The following IGSF9 variants were observed in gnomAD, a reference collection of about 807,000 sequenced individuals.
IGSF9 encodes the protein immunoglobulin superfamily member 9.
A neutral mutation model predicts 121.7 loss-of-function variants in IGSF9; 87 were observed. The observed-to-expected ratio is 0.71, with a 90% confidence interval of 0.60 to 0.85. The LOEUF (loss-of-function observed/expected upper bound fraction) is 0.85. Ranked by LOEUF, IGSF9 falls within the 40% of genes least tolerant of loss-of-function variation. The pLI is 0.00. For synonymous variants in IGSF9, 640 were observed against 648.4 expected (o/e 0.99, Z 0.20); for missense variants, 1,462 against 1,565.3 (o/e 0.93, Z 1.11).
rs1476703474 is a variant in IGSF9, at chr1:159,943,146, C to T, written c.64G>A (p.Gly22Arg). The T allele has an allele frequency of 6.3e-7, 1 of 1,587,554 alleles. No homozygotes were observed. The highest frequency in any genetic ancestry group is 2.3e-5 in the East Asian group (1 of 43,992). Residue 22 changes from glycine to arginine, a missense_variant, in exon 3 of 21, where the codon GGG (glycine) becomes AGG (arginine). Transcript: ENST00000368094. ...ACCACCGATACCACCTCAGGCTTCC[C>T]TCGACCTGCATGATGGGTGGCATGA... The part of the protein sequence containing the change: ...LVISQGADGR[G>R]KPEVVSVVGR...
chr1:159,930,465 G>A (rs764660011), intron 14 of IGSF9, 26 bp from the exon 15 acceptor site: 2 of 1,521,388 alleles, frequency 1.3e-6, no homozygotes, highest in Non-Finnish European at 1.8e-6. Context: ...AGGCAGGTCA[G>A]AGCAAGGATT....
intron 3 of IGSF9, among the ~76,000 whole-genome samples, chr1:159,939,453 T>G (rs1316499846): frequency 6.6e-6 from 1 of 152,166 alleles, no homozygotes; most frequent in Non-Finnish European, 1.5e-5. Context: ...TTCAAACTCA[T>G]GGCCTCAAGG....
rs762782876 is a variant in IGSF9 at position 159,927,097 on chromosome 1, C to CACACACAGAGAGAGAGAGAG, written c.*247_*248insCTCTCTCTCTCTCTGTGTGT. 6.2e-5 allele frequency: 23 copies of CACACACAGAGAGAGAGAGAG among 371,948 alleles called. No homozygotes were observed. The Middle Eastern group carries it at 2.2e-3, about 36-fold the overall frequency. The allele number at this position is 371,948 out of a possible 1,614,324, so 23.0% of individuals were successfully genotyped here. A position where few individuals can be genotyped will look rare whatever the true frequency, so the allele number is the denominator to read the frequency against. ...AACTTCACACACACACACACACACA[C>CACACACAGAGAGAGAGAGAG]AGAGAGAGAGAGAGAGAGAGAGAGA... is the stretch of plus-strand genomic sequence containing the variant. On this transcript the variant is annotated 3_prime_UTR_variant, in exon 21 of 21. Transcript: ENST00000368094.
At chr1:159,942,482 TC>T (rs954872753) in intron 3 of IGSF9, among the ~76,000 whole-genome samples, 6 of 151,914 alleles carry the variant, frequency 3.9e-5, no homozygotes, top group Non-Finnish European at 8.8e-5. Context: ...ATCAGCCCAC[TC>T]CCTAGAAGAC....
intron 2 of IGSF9, 79 bp from the exon 3 acceptor site, chr1:159,943,230 A>T (rs1651463391): frequency 1.5e-6 from 2 of 1,342,046 alleles, no homozygotes; most frequent in African/African-American, 1.5e-5. Flanking sequence ...GTATCTCTGT[A>T]GGCACCTTAG....
In IGSF9 at chr1:159,936,845, G is replaced by C. The variant is rs1651208574; in HGVS notation, c.464C>G (p.Thr155Ser). ...VLEVQELEPV[T>S]LRCVARGSPL... ...GCTGCCACGGGCCACACAACGCAGG[G>C]TCACAGGCTCCAGTTCCTGCACTTC... The change falls in exon 5 of 21, where the codon ACC becomes AGC. Residue 155 changes from threonine to serine, a missense_variant. Transcript: ENST00000368094. The C allele has an allele frequency of 6.2e-7, 1 of 1,614,218 alleles. No homozygotes were observed. The highest frequency in any genetic ancestry group is 1.7e-5 in the Admixed American group (1 of 60,032).
At position 159,929,902 on chromosome 1, in the gene IGSF9, A is replaced by T; in HGVS notation, c.2138T>A (p.Val713Asp). 2 of 1,575,242 alleles carry T rather than the reference A, an allele frequency of 1.3e-6. No individual in the cohort carries two copies. The highest frequency in any genetic ancestry group is 2.3e-5 in the South Asian group (2 of 86,422). Residue 713 changes from valine to aspartate, a missense_variant, in exon 16 of 21, where the codon GTC (valine) becomes GAC (aspartate). Physicochemically the swap from Val to Asp is radical, Grantham distance 152 (BLOSUM62 -3). Coordinates refer to ENST00000368094, the MANE Select transcript of IGSF9 (RefSeq NM_001135050.2). ...CGCCAGGTGCTCACCGGAAGTGGAGACGTTGGCCGTGTTGCTGGGGTCGCT... is the reference window on the plus strand; with the variant it reads ...CGCCAGGTGCTCACCGGAAGTGGAGTCGTTGGCCGTGTTGCTGGGGTCGCT... ...FVSDPSNTAN[V>D]STSGLEVYPS...
chr1:159,935,526 T>C (rs1387974214), intron 6 of IGSF9, among the ~76,000 whole-genome samples: 1 of 152,160 alleles, frequency 6.6e-6, no homozygotes, highest in Non-Finnish European at 1.5e-5. Context: ...CCGCGCCACA[T>C]ACCTCCTGCA....
At chr1:159,936,597 AG>A in intron 5 of IGSF9, 81 bp from the exon 6 acceptor site, 1 of 1,535,958 alleles carries the variant, frequency 6.5e-7, no homozygotes, top group Non-Finnish European at 8.9e-7. Flanking sequence ...CAGCAGAGGG[AG>A]GCAGCACCCC....
chr1:159,943,209 G>A (rs2101884827), intron 2 of IGSF9, 58 bp from the exon 3 acceptor site: 1 of 1,448,942 alleles, frequency 6.9e-7, no homozygotes, highest in South Asian at 1.3e-5. Context: ...CTGGGAGGGG[G>A]AGTGCCATCA....
chr1:159,927,812 C>A lies in IGSF9; in HGVS notation c.3306G>T (p.Leu1102Phe). Residue 1102 changes from leucine (L) to phenylalanine (F), a missense_variant, in exon 20 of 21, where the codon TTG (leucine) becomes TTT (phenylalanine). Transcript: ENST00000368094. ...GCCGGGAGCTGGCCAAGCCCAGGTG[C>A]AAAGTCTCCAGCAATTCCATGTCCC... ...FPGDMELLET[L>F]HLGLASSRLR... 6.2e-7 allele frequency: 1 copy of A among 1,613,690 alleles called. No homozygotes were observed. The highest frequency in any genetic ancestry group is 8.5e-7 in the Non-Finnish European group (1 of 1,179,966).
rs1351481161 is a variant in IGSF9 at position 159,928,413 on chromosome 1, G to A, written c.2975C>T (p.Ala992Val). 6.2e-7 allele frequency: 1 copy of A among 1,602,658 alleles called. No individual in the cohort carries two copies. The highest frequency in any genetic ancestry group is 1.7e-5 in the Admixed American group (1 of 59,098). ...AGCCAGGGCTGTGTAAGGGGGCTCT[G>A]CAGTGGCCCCAGCCCCTACCACAGC... ...PGAVVGAGAT[A>V]EPPYTALADW... is the part of the protein sequence containing the mutation. The change falls in exon 19 of 21, where the codon GCA becomes GTA. Residue 992 changes from alanine (A) to valine (V), a missense_variant. Physicochemically the swap from Ala to Val is moderately conservative, Grantham distance 64 (BLOSUM62 0). This residue lies in a region of IGSF9 where 808 missense variants were observed against 815.2 expected (regional missense o/e 0.99). Transcript: ENST00000368094.
In IGSF9 at chr1:159,929,670, GC is replaced by G; in HGVS notation, c.2293del (p.Ala765LeufsTer40). ...LAGCLLNRRR[A>X]ARRRRKRLRQ... ...GAGGCGCTTGCGGCGGCGGCGGGCA[GC>G]CCTGCGCCGGTTCAGGAGGCAGCCG... is the stretch of plus-strand genomic sequence containing the variant. On this transcript the variant is annotated frameshift_variant, in exon 17 of 21. Coordinates refer to ENST00000368094, the MANE Select transcript of IGSF9 (RefSeq NM_001135050.2). LOFTEE classifies it high-confidence loss of function. The G allele has an allele frequency of 6.3e-7, 1 of 1,595,124 alleles. No individual in the cohort carries two copies. The highest frequency in any genetic ancestry group is 1.8e-5 in the Admixed American group (1 of 56,288).
intron 2 of IGSF9, 57 bp from the exon 3 acceptor site, chr1:159,943,208 G>A (rs1651462630): frequency 6.9e-7 from 1 of 1,455,836 alleles, no homozygotes; most frequent in East Asian, 2.4e-5. Context: ...GCTGGGAGGG[G>A]GAGTGCCATC....
At position 159,928,721 on chromosome 1, in the gene IGSF9, G is replaced by A; in HGVS notation, c.2667C>T (p.Ser889=). ...GGGGCTGGGGTGCCCCACTGGGGCTGCTGCTGCTACAGTCAAAGGACCGGG... is the reference window on the plus strand; with the variant it reads ...GGGGCTGGGGTGCCCCACTGGGGCTACTGCTGCTACAGTCAAAGGACCGGG... The part of the protein sequence containing the change: ...RLARSFDCSS[S]SPSGAPQPLC... The change falls in exon 19 of 21, where the codon AGC becomes AGT. Residue 889 remains serine, a synonymous_variant. Transcript: ENST00000368094. 6.8e-7 allele frequency: 1 copy of A among 1,476,906 alleles called. No individual in the cohort carries two copies. The allele number at this position is 1,476,906 out of a possible 1,614,324, so 91.5% of individuals were successfully genotyped here.
intron 4 of IGSF9, 78 bp from the exon 5 acceptor site, chr1:159,936,986 C>G: frequency 6.9e-7 from 1 of 1,441,606 alleles, no homozygotes; most frequent in South Asian, 1.2e-5. Flanking sequence ...AGGGAGACCA[C>G]TCAGGGCTCC....
Position 159,927,132 on chromosome 1 carries a change from G to GAGT in IGSF9, c.*212_*213insACT. On this transcript the variant is annotated 3_prime_UTR_variant, in exon 21 of 21. Transcript: ENST00000368094. The stretch of plus-strand genomic sequence containing the variant: ...GAGAGAGAGAGAGAGAGAGAGAGAG[G>GAGT]CAGACCTAAGATCCCTGTTCCAATC... The GAGT allele has an allele frequency of 2.4e-6, 1 of 408,774 alleles. No homozygotes were observed. Among genetic ancestry groups the GAGT allele is most frequent in the Non-Finnish European group, 4.2e-6 (1 of 238,720 alleles). The allele number at this position is 408,774 out of a possible 1,614,324, so 25.3% of individuals were successfully genotyped here.
rs60386431 is a variant in IGSF9, at chr1:159,927,891, TAAA to T, written c.3231-7_3231-5del. ...CTCGTCCACAGATGTGTTCCTCCTG[TAAA>T]AAAAAAAAAAAAGACAAACATATGG... is the stretch of plus-strand genomic sequence containing the variant. On this transcript the variant is annotated splice_region_variant and splice_polypyrimidine_tract_variant and intron_variant, in intron 19 of 20. Transcript: ENST00000368094. 0.086 allele frequency: 122,677 copies of T among 1,428,794 alleles called. 3 individuals are homozygous for T. The highest frequency in any genetic ancestry group is 0.16 in the East Asian group (6,292 of 38,608). 88.5% of individuals were successfully genotyped at this position (1,428,794 alleles called of 1,614,324 possible). A position where few individuals can be genotyped will look rare whatever the true frequency, so the allele number is the denominator to read the frequency against.
chr1:159,927,665 G>T, intron 20 of IGSF9, 95 bp downstream of exon 20: 1 of 1,550,134 alleles, frequency 6.5e-7, no homozygotes, highest in Non-Finnish European at 8.7e-7. Flanking sequence ...GAGCCTGGGA[G>T]GCAGGGCCTG....
Sources: allele counts gnomAD v4.1 joint callset (sites outside exome capture counted in the v4.1 genomes callset), GRCh38; gene constraint gnomAD v4.1.1; regional missense constraint gnomAD v4.1.1; transcripts MANE v1.5; gene names NCBI Gene and HGNC (gene_info 2026-07-23, HGNC 2026-07-21).